The following MSRB1 variants were observed in gnomAD, a reference collection of about 807,000 sequenced individuals.
MSRB1 encodes methionine sulfoxide reductase B1, also known as methionine-R-sulfoxide reductase B1.
A neutral mutation model predicts 15.2 loss-of-function variants in MSRB1; 13 were observed. That is an observed-to-expected ratio of 0.86 (90% CI 0.56 to 1.36). MSRB1 has a LOEUF of 1.36. Ranked by LOEUF, MSRB1 falls within the 40% of genes most tolerant of loss-of-function variation. The pLI is 0.00. For synonymous variants in MSRB1, 68 were observed against 64.5 expected, an observed-to-expected ratio of 1.05 and a Z score of -0.26; for missense variants, 174 against 155.9, an observed-to-expected ratio of 1.12 and a Z score of -0.62.
At chr16:1,942,884 G>A (rs1324663480) in intron 1 of MSRB1, among the ~76,000 whole-genome samples, 4 of 151,858 alleles carry the variant, frequency 2.6e-5, no homozygotes, top group Non-Finnish European at 5.9e-5. Context: ...CCAGGACGGT[G>A]AGCCCCAAGG....
At position 1,941,287 on chromosome 16, in the gene MSRB1, A is replaced by T; in HGVS notation, c.174T>A (p.Arg58=). Residue 58 remains arginine (R), a synonymous_variant, in exon 2 of 4, where the codon CGT becomes CGA. Transcript: ENST00000361871. Reference sequence around the variant, plus strand: ...AGGCTTCAGATCTATTGTGCTCCGGACGCTTGGCCACGCTGTCGGCGTGAA... The same window carrying T: ...AGGCTTCAGATCTATTGTGCTCCGGTCGCTTGGCCACGCTGTCGGCGTGAA... ...ETIHADSVAK[R]PEHNRSEALK... The T allele has an allele frequency of 6.2e-7, 1 of 1,609,094 alleles. No individual in the cohort carries two copies. Among genetic ancestry groups the T allele is most frequent in the Non-Finnish European group, 8.5e-7 (1 of 1,179,120 alleles).
intron 2 of MSRB1, 132 bp from the exon 3 acceptor site, chr16:1,941,024 T>C (rs75416175): frequency 6.4e-7 from 1 of 1,554,460 alleles, no homozygotes; most frequent in South Asian, 1.2e-5. Context: ...ACATAAGAGG[T>C]TGACCTTTGT....
intron 1 of MSRB1, 40 bp downstream of exon 1, chr16:1,943,062 C>T (rs761413198): frequency 1.9e-6 from 3 of 1,548,810 alleles, no homozygotes; most frequent in Non-Finnish European, 2.6e-6. Context: ...TGCGCGCCCC[C>T]CGCCGCGCTG....
At position 1,941,414 on chromosome 16, in the gene MSRB1, G is replaced by A. The variant is rs748457444; in HGVS notation, c.56-9C>T. On this transcript the variant is annotated splice_polypyrimidine_tract_variant and intron_variant, in intron 1 of 3. Coordinates refer to ENST00000361871, the MANE Select transcript of MSRB1 (RefSeq NM_016332.4). The stretch of plus-strand genomic sequence containing the variant: ...GGCACACACGTAAACGCCTGTGGTG[G>A]AAGGAGAGGCAAATGTGGAGTCATC... The A allele has an allele frequency of 9.3e-6, 15 of 1,606,306 alleles. No homozygotes were observed. The South Asian group carries it at 1.6e-4, about 17-fold the overall frequency.
intron 1 of MSRB1, 104 bp from the exon 2 acceptor site, chr16:1,941,509 C>G: frequency 1.4e-6 from 2 of 1,442,762 alleles, no homozygotes; most frequent in Non-Finnish European, 1.8e-6. Context: ...GCCCCCGTTC[C>G]GAGGGTAGGC....
Position 1,942,136 on chromosome 16 carries a change from A to G in MSRB1, c.56-731T>C, listed in dbSNP as rs548509263. 2.6e-5 allele frequency among the ~76,000 whole-genome samples: 4 copies of G among 152,330 alleles called. No homozygotes were observed. The East Asian group carries it at 7.7e-4, about 29-fold the overall frequency. ...GGGACAGCCTCCCCTGGAGACTGTA[A>G]ACTACCCAGCCTTTTCCAGGAACTG... On this transcript the variant is annotated intron_variant, in intron 1 of 3. Coordinates refer to ENST00000361871, the MANE Select transcript of MSRB1 (RefSeq NM_016332.4).
rs2083055379 is a variant in MSRB1 at position 1,938,692 on chromosome 16, G to A, written c.*420C>T. The stretch of plus-strand genomic sequence containing the variant: ...TCCATTCTGTCTCCTAAGCAGCCTG[G>A]GAGATGTGGGCCTAAGCTTCGGTGA... On this transcript the variant is annotated 3_prime_UTR_variant, in exon 4 of 4. Transcript: ENST00000361871. 4.4e-6 allele frequency: 1 copy of A among 226,594 alleles called. No individual in the cohort carries two copies. The highest frequency in any genetic ancestry group is 8.9e-6 in the Non-Finnish European group (1 of 112,612). 14.0% of individuals were successfully genotyped at this position (226,594 alleles called of 1,614,324 possible). A position where few individuals can be genotyped will look rare whatever the true frequency, so the allele number is the denominator to read the frequency against.
At chr16:1,941,538 A>G in intron 1 of MSRB1, 133 bp from the exon 2 acceptor site, 1 of 1,281,562 alleles carries the variant, frequency 7.8e-7, no homozygotes, top group Non-Finnish European at 1.1e-6. Flanking sequence ...TTCCCCAGGC[A>G]CCCGCCACGG....
chr16:1,941,025 T>C (rs2083073370), intron 2 of MSRB1, 133 bp from the exon 3 acceptor site: 1 of 1,554,552 alleles, frequency 6.4e-7, no homozygotes, highest in Non-Finnish European at 8.7e-7. Flanking sequence ...CATAAGAGGT[T>C]GACCTTTGTC....
chr16:1,943,176 C>T lies in MSRB1; in HGVS notation c.-20G>A. ...CGACATGGCGCCACCGGAACCGCAG[C>T]GCGCTTGCCGCTGCCAACTGACCAA... is the stretch of plus-strand genomic sequence containing the variant. On this transcript the variant is annotated 5_prime_UTR_variant, in exon 1 of 4. Transcript: ENST00000361871. 1 of 1,553,614 alleles carries T rather than the reference C, an allele frequency of 6.4e-7. No homozygotes were observed.
chr16:1,942,655 A>G (rs1377548586), intron 1 of MSRB1, among the ~76,000 whole-genome samples: 3 of 152,278 alleles, frequency 2.0e-5, no homozygotes, highest in African/African-American at 7.2e-5. Context: ...GGGAAGGGCC[A>G]GGGTAACACC....
Position 1,939,203 on chromosome 16 carries a change from A to G in MSRB1, c.320-60T>C. On this transcript the variant is annotated intron_variant, in intron 3 of 3. Transcript: ENST00000361871. Reference sequence around the variant, plus strand: ...GGACAGAAAGCAAGCAGGGGCGGAAAGCCGGGCGCGGGGGCGGTGGAAAGC... The same window carrying G: ...GGACAGAAAGCAAGCAGGGGCGGAAGGCCGGGCGCGGGGGCGGTGGAAAGC... The G allele has an allele frequency of 2.6e-6, 4 of 1,563,488 alleles. No individual in the cohort carries two copies. In the South Asian group the frequency reaches 4.6e-5, roughly 18 times the overall value.
chr16:1,943,064 G>A, intron 1 of MSRB1, 38 bp downstream of exon 1: 1 of 1,548,652 alleles, frequency 6.5e-7, no homozygotes, highest in Non-Finnish European at 8.7e-7. Context: ...CGCGCCCCCC[G>A]CCGCGCTGCC....
intron 3 of MSRB1, among the ~76,000 whole-genome samples, chr16:1,939,457 C>T (rs1337028615): frequency 1.3e-5 from 2 of 152,086 alleles, no homozygotes; most frequent in Non-Finnish European, 1.5e-5. Flanking sequence ...ACGAAAACAT[C>T]GCAGGTTTAC....
chr16:1,939,964 A>T (rs1156517443), intron 3 of MSRB1, among the ~76,000 whole-genome samples: 2 of 151,884 alleles, frequency 1.3e-5, no homozygotes. Context: ...AAAAAAAAAA[A>T]AAAAATTAAA....
At chr16:1,939,246 G>A in intron 3 of MSRB1, 103 bp from the exon 4 acceptor site, 1 of 1,250,170 alleles carries the variant, frequency 8.0e-7, no homozygotes, top group Non-Finnish European at 1.1e-6. Context: ...GGGGCAGAAA[G>A]CAAGTCACTG....
intron 3 of MSRB1, among the ~76,000 whole-genome samples, chr16:1,939,964 A>AAAAAAT (rs1369665287): frequency 1.3e-5 from 2 of 151,884 alleles, no homozygotes; most frequent in Non-Finnish European, 1.5e-5. Flanking sequence ...AAAAAAAAAA[A>AAAAAAT]AAAAATTAAA....
rs1268222342 is a variant in MSRB1 at position 1,938,875 on chromosome 16, A to C, written c.*237T>G. 3.3e-6 allele frequency: 2 copies of C among 604,104 alleles called. No individual in the cohort carries two copies. Among genetic ancestry groups the C allele is most frequent in the African/African-American group, 1.9e-5 (1 of 52,426 alleles). 37.4% of individuals were successfully genotyped at this position (604,104 alleles called of 1,614,324 possible). On this transcript the variant is annotated 3_prime_UTR_variant, in exon 4 of 4. Coordinates refer to ENST00000361871, the MANE Select transcript of MSRB1 (RefSeq NM_016332.4). Reference sequence around the variant, plus strand: ...TGAGCAGGGGGCTAAGTCAGCCGACAGTGTGGCTGCACAGCCCAGGCCTGT... The same window carrying C: ...TGAGCAGGGGGCTAAGTCAGCCGACCGTGTGGCTGCACAGCCCAGGCCTGT...
At chr16:1,939,390 G>A (rs550253452) in intron 3 of MSRB1, among the ~76,000 whole-genome samples, 2 of 152,278 alleles carry the variant, frequency 1.3e-5, no homozygotes, top group African/African-American at 4.8e-5. Flanking sequence ...ACATCCACAG[G>A]AGAACCCAGA....
Sources: gnomAD v4.1 joint callset for allele counts (sites outside exome capture counted in the v4.1 genomes callset) on GRCh38, gnomAD v4.1.1 for gene constraint, MANE v1.5 for transcripts, NCBI Gene and HGNC (gene_info 2026-07-23, HGNC 2026-07-21) for gene names.